The following USP44 variants were observed in gnomAD, a reference collection of about 807,000 sequenced individuals.
USP44 encodes ubiquitin specific peptidase 44.
Under a neutral mutation model 69.0 loss-of-function variants are expected in USP44, and 61 were observed. The ratio of observed to expected loss-of-function variants is 0.88; its 90% CI spans 0.72 to 1.09. The LOEUF is 1.09. Ranked by LOEUF, USP44 falls within the 50% of genes least tolerant of loss-of-function variation. The pLI is 0.00. For missense variants in USP44, 753 were observed against 849.9 expected, an observed-to-expected ratio of 0.89 and a Z score of 1.42; for synonymous variants, 297 against 295.4, an observed-to-expected ratio of 1.01 and a Z score of -0.06.
intron 1 of USP44, among the ~76,000 whole-genome samples, chr12:95,544,688 C>T (rs1049018293): frequency 1.3e-5 from 2 of 152,042 alleles, no homozygotes; most frequent in Admixed American, 6.5e-5. Flanking sequence ...GGCAAAAATA[C>T]ATTCCTAAAA....
chr12:95,533,942 G>C lies in USP44; in HGVS notation c.315C>G (p.Ile105Met). 1 of 1,614,152 alleles carries C rather than the reference G, an allele frequency of 6.2e-7. No homozygotes were observed. The highest frequency in any genetic ancestry group is 8.5e-7 in the Non-Finnish European group (1 of 1,180,038). Residue 105 changes from isoleucine to methionine, a missense_variant, in exon 2 of 6, where the codon ATC becomes ATG. Transcript: ENST00000258499. ...LKLLRRTLSAIKSQNYHCTTR... is the reference protein window; with the variant it reads ...LKLLRRTLSAMKSQNYHCTTR... ...TTGTGCAGTGATAATTTTGACTTTT[G>C]ATGGCACTTAATGTACGTCGTAGTA...
chr12:95,540,512 T>G (rs2077353732), intron 1 of USP44, among the ~76,000 whole-genome samples: 1 of 152,082 alleles, frequency 6.6e-6, no homozygotes. Flanking sequence ...AAGGCGAATT[T>G]TGTATTTTTA....
chr12:95,545,245 G>T (rs1469132689), intron 1 of USP44, among the ~76,000 whole-genome samples: 1 of 147,054 alleles, frequency 6.8e-6, no homozygotes, highest in Non-Finnish European at 1.5e-5. Context: ...GCATAAAATA[G>T]AACACATTTA....
At chr12:95,520,493 C>CA (rs576135205) in intron 5 of USP44, among the ~76,000 whole-genome samples, 60 of 142,306 alleles carry the variant, frequency 4.2e-4, no homozygotes, top group Non-Finnish European at 4.5e-4. Context: ...CTCCATCTCA[C>CA]AAAAAAAAAA....
In USP44 at chr12:95,533,109, T is replaced by A. The variant is rs1238030181; in HGVS notation, c.1148A>T (p.His383Leu). ...GACTTGGAACAAAGTATGCAATTCA[T>A]GACAAAGAGAAATGTACTGTGAAGT... Reference protein sequence around the residue: ...EPTSQYISLCHELHTLFQVMW... With the variant: ...EPTSQYISLCLELHTLFQVMW... The change falls in exon 2 of 6, where the codon CAT becomes CTT. Residue 383 changes from histidine to leucine, a missense_variant. By Grantham distance (99) the His-to-Leu change is moderately conservative. Coordinates refer to ENST00000258499, the MANE Select transcript of USP44 (RefSeq NM_032147.5). The A allele has an allele frequency of 6.2e-7, 1 of 1,614,244 alleles. No individual in the cohort carries two copies. The highest frequency in any genetic ancestry group is 1.7e-5 in the Admixed American group (1 of 60,026).
chr12:95,550,955 T>C (rs1261930479), intron 1 of USP44, among the ~76,000 whole-genome samples: 2 of 152,188 alleles, frequency 1.3e-5, no homozygotes, highest in Non-Finnish European at 2.9e-5. Context: ...AAAGAGCAGA[T>C]GTTTGTAGTT....
chr12:95,534,889 C>T (rs1488631708), intron 1 of USP44, among the ~76,000 whole-genome samples: 1 of 152,122 alleles, frequency 6.6e-6, no homozygotes, highest in African/African-American at 2.4e-5. Context: ...TCATGTTGCC[C>T]AGGCTGGTCT....
intron 1 of USP44, among the ~76,000 whole-genome samples, chr12:95,540,580 G>T (rs1187627891): frequency 6.6e-6 from 1 of 152,028 alleles, no homozygotes; most frequent in African/African-American, 2.4e-5. Context: ...GACCTCAGGT[G>T]ATCTGACCAC....
intron 1 of USP44, among the ~76,000 whole-genome samples, chr12:95,536,441 C>T (rs1243426453): frequency 6.6e-6 from 1 of 152,126 alleles, no homozygotes; most frequent in African/African-American, 2.4e-5. Context: ...TTTATTAGAA[C>T]ACCTAGGATT....
chr12:95,545,413 T>C (rs1374782089), intron 1 of USP44, among the ~76,000 whole-genome samples: 2 of 152,208 alleles, frequency 1.3e-5, no homozygotes, highest in Non-Finnish European at 1.5e-5. Flanking sequence ...ACAGATCCTC[T>C]ACAGGCTATT....
chr12:95,521,984 A>G, intron 4 of USP44: 1 of 951,210 alleles, frequency 1.1e-6, no homozygotes, highest in Non-Finnish European at 1.3e-6. Flanking sequence ...GTAAGTCAGC[A>G]CAACCGCCCA....
intron 2 of USP44, among the ~76,000 whole-genome samples, chr12:95,529,339 CATAG>C: frequency 6.6e-6 from 1 of 151,686 alleles, no homozygotes; most frequent in East Asian, 1.9e-4. Context: ...TCTATGTATA[CATAG>C]ATATATACAT....
intron 1 of USP44, among the ~76,000 whole-genome samples, chr12:95,543,839 C>T (rs1416221403): frequency 2.7e-5 from 4 of 147,886 alleles, no homozygotes; most frequent in African/African-American, 9.9e-5. Flanking sequence ...TAGTGGCGGG[C>T]GCCTGTAGTC....
At chr12:95,542,926 A>C (rs2077437609) in intron 1 of USP44, among the ~76,000 whole-genome samples, 1 of 150,434 alleles carries the variant, frequency 6.6e-6, no homozygotes, top group African/African-American at 2.5e-5. Context: ...TCTCTACTAA[A>C]AAATACAAAA....
chr12:95,543,620 T>C (rs1017766728), intron 1 of USP44, among the ~76,000 whole-genome samples: 2 of 151,718 alleles, frequency 1.3e-5, no homozygotes, highest in Non-Finnish European at 2.9e-5. Context: ...ACTTGAAAGC[T>C]ACAAGAATTA....
intron 1 of USP44, among the ~76,000 whole-genome samples, chr12:95,543,083 G>C (rs1240838360): frequency 7.6e-6 from 1 of 131,190 alleles, no homozygotes; most frequent in Non-Finnish European, 1.6e-5. Flanking sequence ...AGGAGACTCT[G>C]TCTCAAAAAA....
At chr12:95,522,594 A>G (rs2076700494) in intron 4 of USP44, among the ~76,000 whole-genome samples, 1 of 152,040 alleles carries the variant, frequency 6.6e-6, no homozygotes, top group Non-Finnish European at 1.5e-5. Flanking sequence ...CCTGGCTAAC[A>G]TGGTGAAACC....
At chr12:95,522,280 T>C (rs2076690434) in intron 4 of USP44, among the ~76,000 whole-genome samples, 2 of 151,760 alleles carry the variant, frequency 1.3e-5, no homozygotes, top group South Asian at 2.1e-4. Context: ...GACAAGAACA[T>C]AGTTTTATGA....
rs572735288 is a variant in USP44, at chr12:95,534,056, A to G, written c.201T>C (p.Pro67=). ...ALKHFQESSH[P]VALEVNEMYV... is the part of the protein sequence containing the mutation. ...ACATCTCATTCACCTCCAATGCAACAGGATGACTGCTTTCTTGAAAGTGCT... is the reference window on the plus strand; with the variant it reads ...ACATCTCATTCACCTCCAATGCAACGGGATGACTGCTTTCTTGAAAGTGCT... Residue 67 remains proline, a synonymous_variant, in exon 2 of 6, where the codon CCT becomes CCC. Coordinates refer to ENST00000258499, the MANE Select transcript of USP44 (RefSeq NM_032147.5). The G allele has an allele frequency of 6.2e-7, 1 of 1,614,218 alleles. No homozygotes were observed. Among genetic ancestry groups the G allele is most frequent in the African/African-American group, 1.3e-5 (1 of 75,062 alleles).
Sources: gnomAD v4.1 joint callset for allele counts (sites outside exome capture counted in the v4.1 genomes callset) on GRCh38, gnomAD v4.1.1 for gene constraint, MANE v1.5 for transcripts, NCBI Gene and HGNC (gene_info 2026-07-23, HGNC 2026-07-21) for gene names.